Variants in ADK observed in about 807,000 individuals in gnomAD.
ADK encodes the protein adenosine kinase, also known as N6,N6-dimethyladenosine kinase.
In ADK, 24 loss-of-function variants were observed where a neutral mutation model predicts 44.7. The observed-to-expected ratio is 0.54, with a 90% CI of 0.39 to 0.76. The LOEUF is 0.76. Ranked by LOEUF, ADK falls within the 30% of genes least tolerant of loss-of-function variation. The pLI is 0.00. For missense variants in ADK, 321 were observed against 425.1 expected (o/e 0.76, Z 2.15); for synonymous variants, 128 against 142.6 (o/e 0.90, Z 0.73).
chr10:74,221,716 G>A (rs568407574), intron 2 of ADK, among the ~76,000 whole-genome samples: 5 of 144,404 alleles, frequency 3.5e-5, no homozygotes, highest in East Asian at 2.0e-4. Flanking sequence ...AAATAACGCC[G>A]CATATCTACA....
intron 3 of ADK, among the ~76,000 whole-genome samples, chr10:74,248,404 G>A (rs962364644): frequency 6.6e-6 from 1 of 152,062 alleles, no homozygotes; most frequent in African/African-American, 2.4e-5. Context: ...TTGTCACCAG[G>A]CTAGAGTGCA....
intron 10 of ADK, among the ~76,000 whole-genome samples, chr10:74,698,660 C>T (rs1856294771): frequency 6.6e-6 from 1 of 151,902 alleles, no homozygotes; most frequent in African/African-American, 2.4e-5. Context: ...TTGGGTGATC[C>T]TCCCACCTCA....
At chr10:74,550,917 G>A (rs963103931) in intron 7 of ADK, among the ~76,000 whole-genome samples, 2 of 152,092 alleles carry the variant, frequency 1.3e-5, no homozygotes, top group Non-Finnish European at 2.9e-5. Context: ...TGTCCAGGGT[G>A]GTCTTGAACT....
At chr10:74,601,709 T>A (rs74783220) in intron 9 of ADK, among the ~76,000 whole-genome samples, 5,625 of 151,926 alleles carry the variant, frequency 0.037, 302 homozygotes, top group African/African-American at 0.12. Flanking sequence ...TTTTTTTTTT[T>A]AAATTTCAAA....
chr10:74,202,216 A>G (rs1052779423), intron 2 of ADK, among the ~76,000 whole-genome samples: 3 of 152,176 alleles, frequency 2.0e-5, no homozygotes, highest in Non-Finnish European at 4.4e-5. Context: ...GTGTTTATAT[A>G]TATGACCTTT....
At chr10:74,185,842 GAAAAAA>G (rs71021593) in intron 1 of ADK, among the ~76,000 whole-genome samples, 3 of 65,824 alleles carry the variant, frequency 4.6e-5, no homozygotes, top group Admixed American at 4.0e-4. Flanking sequence ...GTCTCAAAAA[GAAAAAA>G]AAAAAAAAAA....
intron 2 of ADK, among the ~76,000 whole-genome samples, chr10:74,201,473 C>T (rs990738899): frequency 6.6e-6 from 1 of 152,164 alleles, no homozygotes; most frequent in African/African-American, 2.4e-5. Flanking sequence ...GAGAGACATG[C>T]ACCACGTCCA....
At chr10:74,627,577 T>A (rs1448344282) in intron 9 of ADK, among the ~76,000 whole-genome samples, 1 of 151,772 alleles carries the variant, frequency 6.6e-6, no homozygotes, top group African/African-American at 2.4e-5. Flanking sequence ...TTTTTTTAAG[T>A]ACTAAGAGTG....
chr10:74,322,736 TTC>T (rs1265723317), intron 4 of ADK, among the ~76,000 whole-genome samples: 1 of 151,656 alleles, frequency 6.6e-6, no homozygotes, highest in African/African-American at 2.4e-5. Context: ...CTCCTTTCCT[TTC>T]TCTCTCTTCT....
At chr10:74,500,264 C>T (rs535998043) in intron 6 of ADK, among the ~76,000 whole-genome samples, 2 of 152,198 alleles carry the variant, frequency 1.3e-5, no homozygotes, top group Non-Finnish European at 2.9e-5. Flanking sequence ...GTATTACAGC[C>T]TTGACTACTC....
At chr10:74,338,408 TC>T (rs1841480150) in intron 4 of ADK, among the ~76,000 whole-genome samples, 1 of 152,204 alleles carries the variant, frequency 6.6e-6, no homozygotes, top group Non-Finnish European at 1.5e-5. Flanking sequence ...GCAATCATAT[TC>T]CTGAGTATTT....
Position 74,303,588 on chromosome 10 carries a change from G to GTTGTTTTTTTTTT in ADK, c.195-11077_195-11076insGTTTTTTTTTTTT, listed in dbSNP as rs1840139803. Among the ~76,000 whole-genome samples, 54 of 68,584 alleles carry GTTGTTTTTTTTTT rather than the reference G, an allele frequency of 7.9e-4. 5 individuals are homozygous for GTTGTTTTTTTTTT. The highest frequency in any genetic ancestry group is 4.1e-3 in the African/African-American group (52 of 12,706). The allele number at this position is 68,584 out of a possible 152,430, so 45.0% of individuals were successfully genotyped here. A position where few individuals can be genotyped will look rare whatever the true frequency, so the allele number is the denominator to read the frequency against. The stretch of plus-strand genomic sequence containing the variant: ...CACTTTTCATATTGGTTTTAATGTT[G>GTTGTTTTTTTTTT]TTTTTTTTTTTTTTTTTTTTTTTTT... On this transcript the variant is annotated intron_variant, in intron 3 of 10. Transcript: ENST00000539909.
At chr10:74,177,948 T>A (rs1467232024) in intron 1 of ADK, among the ~76,000 whole-genome samples, 22 of 143,260 alleles carry the variant, frequency 1.5e-4, no homozygotes, top group Admixed American at 4.1e-4. Context: ...TATATATATT[T>A]TTTTTTTTTT....
intron 1 of ADK, among the ~76,000 whole-genome samples, chr10:74,158,184 T>A (rs1841806435): frequency 6.6e-6 from 1 of 151,624 alleles, no homozygotes; most frequent in Admixed American, 6.6e-5. Flanking sequence ...TTATGAGGTT[T>A]AAAAAAAAAC....
At chr10:74,606,764 G>A (rs1290443617) in intron 9 of ADK, among the ~76,000 whole-genome samples, 1 of 152,150 alleles carries the variant, frequency 6.6e-6, no homozygotes, top group African/African-American at 2.4e-5. Context: ...CTTGGCCAGA[G>A]CTGAGTTCAA....
intron 2 of ADK, among the ~76,000 whole-genome samples, chr10:74,220,077 A>G (rs1465953844): frequency 6.6e-6 from 1 of 152,116 alleles, no homozygotes; most frequent in Non-Finnish European, 1.5e-5. Context: ...TAATGAATCC[A>G]GGAGCTGGTT....
chr10:74,611,435 T>A (rs1852540137), intron 9 of ADK, among the ~76,000 whole-genome samples: 1 of 152,040 alleles, frequency 6.6e-6, no homozygotes, highest in African/African-American at 2.4e-5. Context: ...ACTGGAAGAC[T>A]GGTGCTATCA....
intron 1 of ADK, among the ~76,000 whole-genome samples, chr10:74,182,658 C>T (rs752307834): frequency 8.5e-5 from 13 of 152,216 alleles, no homozygotes; most frequent in South Asian, 2.1e-4. Context: ...GCTACCGTGC[C>T]GGCCAGGAAT....
chr10:74,386,877 A>C (rs1204915734), intron 4 of ADK, among the ~76,000 whole-genome samples: 7 of 151,938 alleles, frequency 4.6e-5, no homozygotes. Context: ...GTATTTCAAA[A>C]TTTCAAGGTA....
Sources: allele counts gnomAD v4.1 joint callset (sites outside exome capture counted in the v4.1 genomes callset), GRCh38; gene constraint gnomAD v4.1.1; transcripts MANE v1.5; gene names NCBI Gene and HGNC (gene_info 2026-07-23, HGNC 2026-07-21).